Variants in IL7 observed in about 807,000 individuals in gnomAD.
The protein encoded by IL7 is interleukin 7, also known as interleukin-7.
A neutral mutation model predicts 21.6 loss-of-function variants in IL7; 3 were observed. That is an observed-to-expected ratio of 0.14 (90% CI 0.06 to 0.36). The LOEUF (loss-of-function observed/expected upper bound fraction) is 0.36. Among genes scored for constraint, IL7 ranks in the 10% least tolerant of loss-of-function variants. The pLI is 1.00. For missense variants in IL7, 175 were observed against 200.2 expected (o/e 0.87, Z 0.76); for synonymous variants, 62 against 68.1 (o/e 0.91, Z 0.44).
intron 3 of IL7, among the ~76,000 whole-genome samples, chr8:78,696,964 C>A (rs576351308): frequency 6.6e-6 from 1 of 152,208 alleles, no homozygotes; most frequent in African/African-American, 2.4e-5. Flanking sequence ...TTCCGTTAGA[C>A]CTTTTTTTCT....
chr8:78,777,975 C>T (rs1261347009), intron 2 of IL7, among the ~76,000 whole-genome samples: 1 of 152,022 alleles, frequency 6.6e-6, no homozygotes, highest in Non-Finnish European at 1.5e-5. Context: ...TCCAACTTTT[C>T]TACATCCAAA....
intron 3 of IL7, among the ~76,000 whole-genome samples, chr8:78,701,774 G>A (rs1160378041): frequency 3.3e-5 from 5 of 152,122 alleles, no homozygotes; most frequent in Non-Finnish European, 7.4e-5. Flanking sequence ...CTTTAATTTT[G>A]TTGTGATGAA....
chr8:78,773,783 T>C (rs568997103), intron 2 of IL7, among the ~76,000 whole-genome samples: 2 of 152,112 alleles, frequency 1.3e-5, no homozygotes, highest in African/African-American at 4.8e-5. Context: ...ACTGAGATGC[T>C]TATCCACTTT....
chr8:78,763,189 G>A (rs1408152300), intron 2 of IL7, among the ~76,000 whole-genome samples: 1 of 152,222 alleles, frequency 6.6e-6, no homozygotes, highest in East Asian at 1.9e-4. Context: ...GACAGCATTT[G>A]TTGGTGCCAG....
chr8:78,730,906 G>A (rs1293818607), downstream of IL7, among the ~76,000 whole-genome samples: 2 of 151,928 alleles, frequency 1.3e-5, no homozygotes, highest in African/African-American at 2.4e-5. Context: ...AATTATCATG[G>A]AAGTCATAGC....
chr8:78,731,125 T>C (rs2130650764), downstream of IL7, among the ~76,000 whole-genome samples: 1 of 152,160 alleles, frequency 6.6e-6, no homozygotes, highest in East Asian at 1.9e-4. Flanking sequence ...CTTCTTAAGT[T>C]GGCTGTCAAT....
At chr8:78,794,202 T>A (rs1019248719) in intron 2 of IL7, among the ~76,000 whole-genome samples, 3 of 152,110 alleles carry the variant, frequency 2.0e-5, no homozygotes, top group Non-Finnish European at 4.4e-5. Flanking sequence ...GAACAATGAA[T>A]GCTGTTCACA....
chr8:78,786,370 A>T (rs2130819342), intron 2 of IL7, among the ~76,000 whole-genome samples: 1 of 152,324 alleles, frequency 6.6e-6, no homozygotes, highest in African/African-American at 2.4e-5. Flanking sequence ...TAAAATATTA[A>T]AAATAGTACA....
At chr8:78,784,667 C>A (rs1813451542) in intron 2 of IL7, among the ~76,000 whole-genome samples, 1 of 151,710 alleles carries the variant, frequency 6.6e-6, no homozygotes, top group African/African-American at 2.4e-5. Flanking sequence ...CAAGGATTAT[C>A]AAGACAGAGA....
intron 2 of IL7, among the ~76,000 whole-genome samples, chr8:78,782,308 C>CA (rs144350631): frequency 0.044 from 6,702 of 152,232 alleles, 211 homozygotes; most frequent in Middle Eastern, 0.082. Flanking sequence ...TTTGAGTTGT[C>CA]AGTGTTTTTT....
At chr8:78,727,846 G>T (rs1255231272), downstream of IL7, among the ~76,000 whole-genome samples, 1 of 151,886 alleles carries the variant, frequency 6.6e-6, no homozygotes, top group African/African-American at 2.4e-5. Context: ...TTTCTATTTT[G>T]CAGATGTCAT....
chr8:78,713,564 C>A (rs1398581896), downstream of IL7, among the ~76,000 whole-genome samples: 1 of 152,042 alleles, frequency 6.6e-6, no homozygotes, highest in Non-Finnish European at 1.5e-5. Flanking sequence ...TCTACAACAT[C>A]CCCAAAGAGG....
At chr8:78,761,773 C>G in intron 2 of IL7, 1 of 1,612,008 alleles carries the variant, frequency 6.2e-7, no homozygotes, top group Non-Finnish European at 8.5e-7. Flanking sequence ...TCTCAAACCG[C>G]TTTCTCAGAA....
rs557741012 is a variant in IL7, at chr8:78,705,074, G to T, written n.214+16274C>A. 9.2e-5 allele frequency among the ~76,000 whole-genome samples: 14 copies of T among 152,266 alleles called. No homozygotes were observed. In the East Asian group the frequency reaches 2.7e-3, roughly 29 times the overall value. On this transcript the variant is annotated intron_variant and non_coding_transcript_variant, in intron 3 of 4. Transcript: ENST00000523959. Reference sequence around the variant, plus strand: ...CTTTAGCTCAGTGAACTTCGTTCCTGTCCGTATCCTGAATTCTGCTTCTTT... The same window carrying T: ...CTTTAGCTCAGTGAACTTCGTTCCTTTCCGTATCCTGAATTCTGCTTCTTT...
At chr8:78,767,766 C>A in intron 2 of IL7, among the ~76,000 whole-genome samples, 1 of 151,908 alleles carries the variant, frequency 6.6e-6, no homozygotes, top group Middle Eastern at 3.4e-3. Context: ...ATGGAGTAAT[C>A]TTTTTTATTT....
chr8:78,762,550 C>T (rs985754050), intron 2 of IL7: 6 of 464,756 alleles, frequency 1.3e-5, no homozygotes, highest in African/African-American at 2.5e-5. Context: ...AGGGCCGACG[C>T]GCGGGGGAGG....
At chr8:78,736,139 A>C (rs751918453) in intron 5 of IL7, among the ~76,000 whole-genome samples, 1 of 150,564 alleles carries the variant, frequency 6.6e-6, no homozygotes, top group East Asian at 1.9e-4. Flanking sequence ...TTTTTTCTTC[A>C]TGTATTTGTC....
intron 3 of IL7, among the ~76,000 whole-genome samples, chr8:78,712,690 A>G (rs1288788923): frequency 6.6e-6 from 1 of 152,140 alleles, no homozygotes; most frequent in Non-Finnish European, 1.5e-5. Context: ...GCTGGCTGAA[A>G]AGAGTGTGTG....
At chr8:78,678,501 G>T in intron 4 of IL7, 1 of 1,311,910 alleles carries the variant, frequency 7.6e-7, no homozygotes, top group Non-Finnish European at 1.1e-6. Flanking sequence ...TGTAAATAAA[G>T]TTCTGTAGTC....
Sources: allele counts gnomAD v4.1 joint callset (sites outside exome capture counted in the v4.1 genomes callset), GRCh38; gene constraint gnomAD v4.1.1; transcripts MANE v1.5; gene names NCBI Gene and HGNC (gene_info 2026-07-23, HGNC 2026-07-21).